The following EYS variants were observed in gnomAD, a reference collection of about 807,000 sequenced individuals.
EYS encodes the protein protein eyes shut homolog.
A neutral mutation model predicts 282.1 loss-of-function variants in EYS; 250 were observed. The observed-to-expected ratio is 0.89, with a 90% CI of 0.80 to 0.98. The LOEUF is 0.98. EYS is among the 50% of genes least tolerant of loss of function. The pLI is 0.00. For missense variants in EYS, 4,016 were observed against 3,709.0 expected, an observed-to-expected ratio of 1.08 and a Z score of -2.15; for synonymous variants, 1,355 against 1,282.9, an observed-to-expected ratio of 1.06 and a Z score of -1.20.
At chr6:63,724,273 T>A (rs1768527765) in intron 42 of EYS, among the ~76,000 whole-genome samples, 1 of 152,202 alleles carries the variant, frequency 6.6e-6, no homozygotes, top group African/African-American at 2.4e-5. Flanking sequence ...CCTCATCATC[T>A]GCTATCCCAC....
intron 2 of EYS, among the ~76,000 whole-genome samples, chr6:65,614,599 T>C (rs935100421): frequency 1.2e-4 from 19 of 152,062 alleles, no homozygotes; most frequent in African/African-American, 4.1e-4. Flanking sequence ...ATAAAATGCA[T>C]AAGAATGAAC....
intron 22 of EYS, among the ~76,000 whole-genome samples, chr6:64,680,275 T>C (rs1357452504): frequency 2.0e-5 from 3 of 152,218 alleles, no homozygotes; most frequent in Non-Finnish European, 4.4e-5. Flanking sequence ...TGAGCTTCCC[T>C]GCTGATGCCA....
chr6:64,551,129 C>T (rs1765063186), intron 26 of EYS, among the ~76,000 whole-genome samples: 1 of 148,358 alleles, frequency 6.7e-6, no homozygotes, highest in Non-Finnish European at 1.5e-5. Context: ...TATATACACA[C>T]ACATATATAC....
At chr6:65,287,649 A>C (rs769202648) in intron 12 of EYS, among the ~76,000 whole-genome samples, 3 of 151,440 alleles carry the variant, frequency 2.0e-5, no homozygotes, top group Non-Finnish European at 3.0e-5. Context: ...AAAACGAAAC[A>C]AAACGTGTTG....
At chr6:65,122,163 T>A (rs2150196514) in intron 12 of EYS, among the ~76,000 whole-genome samples, 1 of 152,294 alleles carries the variant, frequency 6.6e-6, no homozygotes, top group South Asian at 2.1e-4. Flanking sequence ...CCCAAAAAAT[T>A]GTTTTAACAA....
intron 1 of EYS, among the ~76,000 whole-genome samples, chr6:65,683,815 A>G (rs547277240): frequency 4.5e-4 from 69 of 152,162 alleles, no homozygotes; most frequent in African/African-American, 1.6e-3. Context: ...AATGGCAGGC[A>G]ACATTTCCAA....
intron 36 of EYS, among the ~76,000 whole-genome samples, chr6:63,829,239 G>A (rs971001324): frequency 2.6e-5 from 4 of 152,182 alleles, no homozygotes; most frequent in African/African-American, 9.7e-5. Flanking sequence ...CAGATAGTGA[G>A]TGCAGCCTAT....
chr6:64,915,897 C>G (rs993151935), intron 15 of EYS, among the ~76,000 whole-genome samples: 1 of 152,052 alleles, frequency 6.6e-6, no homozygotes, highest in African/African-American at 2.4e-5. Flanking sequence ...CAGATCTCCT[C>G]CTCTCAAGTT....
chr6:64,731,550 A>C (rs1333316443), intron 22 of EYS, among the ~76,000 whole-genome samples: 2 of 152,184 alleles, frequency 1.3e-5, no homozygotes, highest in East Asian at 3.9e-4. Context: ...GGCAACAAAC[A>C]TATGAAAAAA....
intron 2 of EYS, among the ~76,000 whole-genome samples, chr6:65,583,563 G>A (rs536125100): frequency 2.0e-5 from 3 of 151,924 alleles, no homozygotes; most frequent in Admixed American, 6.6e-5. Flanking sequence ...ACTGACAGGA[G>A]GGAAAAAAAG....
intron 22 of EYS, among the ~76,000 whole-genome samples, chr6:64,802,347 C>T (rs1461923602): frequency 6.6e-6 from 1 of 151,838 alleles, no homozygotes; most frequent in Non-Finnish European, 1.5e-5. Context: ...CCACCACGTC[C>T]GGCCGAGTTA....
rs111626870 is a variant in EYS, at chr6:65,329,454, A to G, written c.1766+5526T>C. On this transcript the variant is annotated intron_variant, in intron 11 of 42. Coordinates refer to ENST00000503581, the MANE Select transcript of EYS (RefSeq NM_001142800.2). The stretch of plus-strand genomic sequence containing the variant: ...AGAGCATAATAAAGAGAGAAAATAT[A>G]TCAGTGTATGTAAGTGCCTTAGACA... 2,128 of 952,394 alleles carry G rather than the reference A, an allele frequency of 2.2e-3. 39 individuals are homozygous for G. The African/African-American group carries it at 0.035, about 16-fold the overall frequency. 59.0% of individuals were successfully genotyped at this position (952,394 alleles called of 1,614,324 possible).
chr6:63,828,381 A>G lies in EYS; in HGVS notation c.7229-22009T>C, dbSNP rs371408504. On this transcript the variant is annotated intron_variant, in intron 36 of 42. Coordinates refer to ENST00000503581, the MANE Select transcript of EYS (RefSeq NM_001142800.2). Reference sequence around the variant, plus strand: ...ATCCAAATAACCTCACGAAGAAATGACTGACACCACTGAAATACAAAAGAT... The same window carrying G: ...ATCCAAATAACCTCACGAAGAAATGGCTGACACCACTGAAATACAAAAGAT... Among the ~76,000 whole-genome samples the G allele has an allele frequency of 6.1e-5, 7 of 115,098 alleles. No homozygotes were observed. In the East Asian group the frequency reaches 1.9e-3, roughly 32 times the overall value. The allele number at this position is 115,098 out of a possible 152,430, so 75.5% of individuals were successfully genotyped here. A position where few individuals can be genotyped will look rare whatever the true frequency, so the allele number is the denominator to read the frequency against.
intron 14 of EYS, among the ~76,000 whole-genome samples, chr6:64,979,121 A>C (rs1038791467): frequency 6.6e-6 from 1 of 151,772 alleles, no homozygotes; most frequent in Non-Finnish European, 1.5e-5. Flanking sequence ...CTATAAGATA[A>C]ATCTTTTGTG....
chr6:64,483,457 C>G (rs938022455), intron 26 of EYS, among the ~76,000 whole-genome samples: 3 of 151,694 alleles, frequency 2.0e-5, no homozygotes, highest in Admixed American at 2.0e-4. Context: ...CTTTTAAATT[C>G]TTCCTTAGCT....
intron 9 of EYS, among the ~76,000 whole-genome samples, chr6:65,344,682 A>G (rs1411566580): frequency 3.3e-5 from 5 of 151,644 alleles, no homozygotes; most frequent in African/African-American, 1.2e-4. Context: ...CAACAGGAAA[A>G]GATGAATAAA....
At chr6:63,735,921 G>A (rs1001109446) in intron 41 of EYS, among the ~76,000 whole-genome samples, 4 of 152,080 alleles carry the variant, frequency 2.6e-5, no homozygotes, top group Non-Finnish European at 4.4e-5. Flanking sequence ...GTGTCTGCAC[G>A]ATCGATTCAA....
chr6:65,349,575 A>G (rs1277393552), intron 9 of EYS, among the ~76,000 whole-genome samples: 1 of 151,542 alleles, frequency 6.6e-6, no homozygotes, highest in Non-Finnish European at 1.5e-5. Flanking sequence ...TATGATATAC[A>G]ACATGATATT....
chr6:64,559,271 A>ATGTGTGTGTGTGTGTG (rs4034160), intron 26 of EYS, among the ~76,000 whole-genome samples: 30 of 142,316 alleles, frequency 2.1e-4, no homozygotes, highest in East Asian at 6.3e-4. Flanking sequence ...GTGTGTGTGC[A>ATGTGTGTGTGTGTGTG]TGTGTGTGTG....
Sources: gnomAD v4.1 joint callset for allele counts (sites outside exome capture counted in the v4.1 genomes callset) on GRCh38, gnomAD v4.1.1 for gene constraint, MANE v1.5 for transcripts, NCBI Gene and HGNC (gene_info 2026-07-23, HGNC 2026-07-21) for gene names.